Variants in MAST4 observed in about 807,000 individuals in gnomAD.
The protein encoded by MAST4 is microtubule-associated serine/threonine-protein kinase 4.
MAST4 carries 89 observed loss-of-function variants against 162.7 expected under a neutral mutation model. The ratio of observed to expected loss-of-function variants is 0.55; its 90% CI spans 0.46 to 0.65. The LOEUF is 0.65. Ranked by LOEUF, MAST4 falls within the 30% of genes least tolerant of loss-of-function variation. MAST4 has a pLI of 0.00. For synonymous variants in MAST4, 1,479 were observed against 1,361.1 expected (o/e 1.09, Z -1.91); for missense variants, 3,153 against 3,374.0 (o/e 0.93, Z 1.62).
chr5:66,693,824 GAAAC>G (rs1749219146), intron 1 of MAST4, among the ~76,000 whole-genome samples: 6 of 152,252 alleles, frequency 3.9e-5, no homozygotes, highest in Admixed American at 2.0e-4. Context: ...TGTGGAAAGA[GAAAC>G]AAGCTAGCAA....
At chr5:66,857,426 A>G (rs545378951) in intron 3 of MAST4, among the ~76,000 whole-genome samples, 10 of 152,338 alleles carry the variant, frequency 6.6e-5, no homozygotes, top group Middle Eastern at 3.4e-3. Context: ...TATGCCAAGA[A>G]GCAGAATTGC....
intron 4 of MAST4, among the ~76,000 whole-genome samples, chr5:67,035,954 A>T (rs1755970304): frequency 6.6e-6 from 1 of 151,844 alleles, no homozygotes; most frequent in African/African-American, 2.4e-5. Flanking sequence ...AGGAAAGCAG[A>T]CCCCTCTAGG....
chr5:66,968,318 TCA>T (rs1009292838), intron 4 of MAST4, among the ~76,000 whole-genome samples: 20 of 152,210 alleles, frequency 1.3e-4, no homozygotes, highest in African/African-American at 4.8e-4. Flanking sequence ...TTCTGGAGTC[TCA>T]GAGTCATAAA....
chr5:67,085,912 G>A (rs1763182637), intron 5 of MAST4, among the ~76,000 whole-genome samples: 1 of 152,186 alleles, frequency 6.6e-6, no homozygotes, highest in African/African-American at 2.4e-5. Context: ...GTTCACTCAG[G>A]TTGAGGTTCC....
At chr5:67,001,177 TA>T (rs1337353644) in intron 4 of MAST4, among the ~76,000 whole-genome samples, 2 of 152,210 alleles carry the variant, frequency 1.3e-5, no homozygotes. Flanking sequence ...CCCATATAAT[TA>T]TTTTGTAGGA....
At chr5:66,673,297 G>A (rs369036106) in intron 1 of MAST4, among the ~76,000 whole-genome samples, 39 of 151,894 alleles carry the variant, frequency 2.6e-4, no homozygotes, top group Non-Finnish European at 4.1e-4. Context: ...CTAAAGTTTC[G>A]TGTTATTATA....
In MAST4 at chr5:66,682,225, T is replaced by C. The variant is rs1324409593; in HGVS notation, c.364-77484T>C. The stretch of plus-strand genomic sequence containing the variant: ...AGTGGCCCCACACCCCAGAAATGGA[T>C]TAGAGTCCACACCTGGCTTTGAGTG... On this transcript the variant is annotated intron_variant, in intron 1 of 28. Coordinates refer to ENST00000403625, the MANE Select transcript of MAST4 (RefSeq NM_001164664.2). Among the ~76,000 whole-genome samples the C allele has an allele frequency of 2.0e-5, 3 of 152,132 alleles. No homozygotes were observed. The East Asian group carries it at 5.8e-4, about 29-fold the overall frequency.
intron 3 of MAST4, among the ~76,000 whole-genome samples, chr5:66,886,370 C>T (rs1762040199): frequency 6.6e-6 from 1 of 152,176 alleles, no homozygotes; most frequent in African/African-American, 2.4e-5. Flanking sequence ...TTTAAAGTGA[C>T]AGAACCATTT....
chr5:67,075,161 G>GTT (rs35184662), intron 5 of MAST4, among the ~76,000 whole-genome samples: 4,029 of 128,068 alleles, frequency 0.031, 142 homozygotes, highest in East Asian at 0.16. Context: ...ATTGGAATGA[G>GTT]TTTTTTTTTT....
At chr5:66,992,941 C>G (rs567811690) in intron 4 of MAST4, among the ~76,000 whole-genome samples, 1 of 152,268 alleles carries the variant, frequency 6.6e-6, no homozygotes, top group Admixed American at 6.5e-5. Context: ...GTGTGTTGAT[C>G]ATGTTTCCAG....
intron 14 of MAST4, among the ~76,000 whole-genome samples, chr5:67,129,455 C>A (rs375091550): frequency 6.6e-6 from 1 of 151,986 alleles, no homozygotes; most frequent in South Asian, 2.1e-4. Flanking sequence ...CATGGTGGCT[C>A]ACGCCTGTAA....
At chr5:67,049,471 CCTT>C (rs1250336683) in intron 4 of MAST4, among the ~76,000 whole-genome samples, 12 of 152,086 alleles carry the variant, frequency 7.9e-5, no homozygotes, top group Admixed American at 3.9e-4. Flanking sequence ...TCCACTTCAG[CCTT>C]CTTCTTTAAG....
chr5:66,728,377 C>T (rs548543302), intron 1 of MAST4, among the ~76,000 whole-genome samples: 6 of 152,114 alleles, frequency 3.9e-5, no homozygotes, highest in South Asian at 2.1e-4. Flanking sequence ...GAGATGGTTC[C>T]GTAGGTAGCT....
At chr5:67,155,632 C>T (rs1223703044) in intron 26 of MAST4, among the ~76,000 whole-genome samples, 1 of 152,158 alleles carries the variant, frequency 6.6e-6, no homozygotes, top group Admixed American at 6.5e-5. Flanking sequence ...CAGAAATTTC[C>T]TTTCCATGGA....
At chr5:66,864,088 CCTA>C (rs1481030153) in intron 3 of MAST4, among the ~76,000 whole-genome samples, 1 of 152,128 alleles carries the variant, frequency 6.6e-6, no homozygotes, top group Non-Finnish European at 1.5e-5. Flanking sequence ...TTATTGAACA[CCTA>C]CTAAGTGCCA....
chr5:67,048,671 T>C (rs1757677227), intron 4 of MAST4, among the ~76,000 whole-genome samples: 1 of 152,066 alleles, frequency 6.6e-6, no homozygotes, highest in South Asian at 2.1e-4. Context: ...TAATTGTATC[T>C]TCACCAGATA....
At chr5:67,082,052 T>C (rs921178229) in intron 5 of MAST4, among the ~76,000 whole-genome samples, 16 of 152,156 alleles carry the variant, frequency 1.1e-4, no homozygotes, top group African/African-American at 3.6e-4. Context: ...TTACATGATA[T>C]TGCTCCCCCA....
intron 4 of MAST4, among the ~76,000 whole-genome samples, chr5:67,029,808 G>A (rs114206166): frequency 0.022 from 3,367 of 152,140 alleles, 56 homozygotes; most frequent in African/African-American, 0.043. Context: ...TAGGAGAAAG[G>A]AAAATATAAA....
intron 1 of MAST4, among the ~76,000 whole-genome samples, chr5:66,701,872 A>G (rs756434151): frequency 6.6e-6 from 1 of 152,238 alleles, no homozygotes; most frequent in African/African-American, 2.4e-5. Context: ...TTAGAGGACT[A>G]TACTCTACCT....
Sources: allele counts gnomAD v4.1 joint callset (sites outside exome capture counted in the v4.1 genomes callset), GRCh38; gene constraint gnomAD v4.1.1; transcripts MANE v1.5; gene names NCBI Gene and HGNC (gene_info 2026-07-23, HGNC 2026-07-21).